The following HDAC9 variants were observed in gnomAD, a reference collection of about 807,000 sequenced individuals.
The protein encoded by HDAC9 is histone deacetylase 9.
In HDAC9, 41 loss-of-function variants were observed where a neutral mutation model predicts 139.4. The observed-to-expected ratio is 0.29, with a 90% confidence interval of 0.23 to 0.38. The LOEUF is 0.38. Among genes scored for constraint, HDAC9 ranks in the 10% least tolerant of loss-of-function variants. HDAC9 has a pLI of 1.00. For missense variants in HDAC9, 1,147 were observed against 1,297.0 expected (o/e 0.88, Z 1.78); for synonymous variants, 517 against 476.2 (o/e 1.09, Z -1.12).
At chr7:18,650,102 T>A (rs537931206) in intron 11 of HDAC9, among the ~76,000 whole-genome samples, 96 of 152,324 alleles carry the variant, frequency 6.3e-4, no homozygotes, top group African/African-American at 2.2e-3. Flanking sequence ...ACTCACTGAC[T>A]TGTATGTGAC....
intron 2 of HDAC9, among the ~76,000 whole-genome samples, chr7:18,250,685 G>A (rs896583160): frequency 1.3e-5 from 2 of 152,172 alleles, no homozygotes; most frequent in African/African-American, 4.8e-5. Context: ...AGTGGTCTTT[G>A]AGGAATCACC....
chr7:18,616,792 ACTGCTGACCCCTTGTCAGTGGTG>A (rs1309376037), intron 6 of HDAC9, among the ~76,000 whole-genome samples: 6 of 152,214 alleles, frequency 3.9e-5, no homozygotes, highest in Non-Finnish European at 8.8e-5. Context: ...GCCAGAAGTC[ACTGCTGACCCCTTGTCAGTGGTG>A]CTGCTGATCC....
chr7:18,584,306 T>C (rs952884684), intron 2 of HDAC9, among the ~76,000 whole-genome samples: 5 of 151,916 alleles, frequency 3.3e-5, no homozygotes, highest in Non-Finnish European at 7.4e-5. Context: ...TTTTTTGTAT[T>C]TTTAGTAGAG....
chr7:18,988,753 T>G (rs1785600204), intron 25 of HDAC9, among the ~76,000 whole-genome samples: 1 of 151,784 alleles, frequency 6.6e-6, no homozygotes, highest in South Asian at 2.1e-4. Context: ...GCCCCTGTAT[T>G]GGGTGCATAT....
In HDAC9 at chr7:18,344,162, G is replaced by A. The variant is rs372615895; in HGVS notation, c.-42+53647G>A. Among the ~76,000 whole-genome samples, 20 of 151,888 alleles carry A rather than the reference G, an allele frequency of 1.3e-4. No homozygotes were observed. In the South Asian group the frequency reaches 3.9e-3, roughly 30 times the overall value. ...AAAATTAGGGTATTTCAGATTATAA[G>A]TAAAAGCTGGAAATGTCTTTTCAAA... On this transcript the variant is annotated intron_variant, in intron 1 of 3. Transcript: ENST00000413509.
intron 1 of HDAC9, among the ~76,000 whole-genome samples, chr7:18,448,967 T>C (rs1792548403): frequency 6.6e-6 from 1 of 152,160 alleles, no homozygotes; most frequent in South Asian, 2.1e-4. Flanking sequence ...AGAAAAGCTC[T>C]TGGGCCAATT....
intron 1 of HDAC9, among the ~76,000 whole-genome samples, chr7:18,318,135 G>A (rs904232157): frequency 2.0e-5 from 3 of 152,290 alleles, no homozygotes; most frequent in East Asian, 1.9e-4. Context: ...GCCTCCTAGG[G>A]AGGTGTTAGA....
chr7:18,381,271 G>T lies in HDAC9; in HGVS notation c.-42+90756G>T, dbSNP rs200449477. Among the ~76,000 whole-genome samples the T allele has an allele frequency of 2.0e-5, 3 of 146,728 alleles. No homozygotes were observed. The East Asian group carries it at 6.3e-4, about 31-fold the overall frequency. ...ATAAAATAAAGATAAAAGATTAATTGTGTTAGAAACACAATTTTATTCTGG... is the reference window on the plus strand; with the variant it reads ...ATAAAATAAAGATAAAAGATTAATTTTGTTAGAAACACAATTTTATTCTGG... On this transcript the variant is annotated intron_variant, in intron 1 of 3. Transcript: ENST00000413509.
chr7:18,957,787 A>G (rs938166276), intron 24 of HDAC9, among the ~76,000 whole-genome samples: 2 of 152,126 alleles, frequency 1.3e-5, no homozygotes, highest in African/African-American at 4.8e-5. Flanking sequence ...GTGTCACACA[A>G]GTGCCTCCTT....
intron 12 of HDAC9, among the ~76,000 whole-genome samples, chr7:18,708,048 G>T (rs1467687398): frequency 6.6e-6 from 1 of 152,202 alleles, no homozygotes; most frequent in Non-Finnish European, 1.5e-5. Flanking sequence ...CAGATCACAG[G>T]TGGTGGGATT....
intron 1 of HDAC9, among the ~76,000 whole-genome samples, chr7:18,117,360 C>G (rs567682065): frequency 4.8e-4 from 73 of 152,146 alleles, no homozygotes; most frequent in Non-Finnish European, 5.7e-4. Context: ...GTGGTGGGCG[C>G]CTGTAGTCCC....
At chr7:18,702,642 G>C (rs1783581440) in intron 12 of HDAC9, among the ~76,000 whole-genome samples, 1 of 152,090 alleles carries the variant, frequency 6.6e-6, no homozygotes, top group South Asian at 2.1e-4. Flanking sequence ...GGTGTATCTG[G>C]GTAACTTCAT....
intron 22 of HDAC9, among the ~76,000 whole-genome samples, chr7:18,930,708 A>C (rs868850877): frequency 5.9e-5 from 9 of 152,234 alleles, no homozygotes; most frequent in African/African-American, 2.2e-4. Flanking sequence ...TGTTTTGTGC[A>C]TGCATAACTT....
chr7:18,230,272 A>G (rs934636333), intron 2 of HDAC9, among the ~76,000 whole-genome samples: 15 of 152,194 alleles, frequency 9.9e-5, no homozygotes, highest in Admixed American at 9.8e-4. Flanking sequence ...TGAAAAATGA[A>G]AATGTGGGAA....
At chr7:18,770,238 G>T (rs932236953) in intron 16 of HDAC9, among the ~76,000 whole-genome samples, 2 of 152,090 alleles carry the variant, frequency 1.3e-5, no homozygotes, top group Admixed American at 6.6e-5. Context: ...CTTTGTGTTT[G>T]CTTTTCTTTT....
chr7:18,252,261 T>G (rs753574143), intron 2 of HDAC9, among the ~76,000 whole-genome samples: 18 of 152,196 alleles, frequency 1.2e-4, no homozygotes, highest in Non-Finnish European at 2.1e-4. Flanking sequence ...GGAGTCAATG[T>G]GGCCACTGGT....
intron 1 of HDAC9, among the ~76,000 whole-genome samples, chr7:18,161,786 C>G (rs561628867): frequency 7.6e-4 from 116 of 152,120 alleles, no homozygotes; most frequent in African/African-American, 2.5e-3. Context: ...GTCCATTAAA[C>G]ATTTCTTTTT....
chr7:18,296,941 G>A (rs192915987), intron 1 of HDAC9, among the ~76,000 whole-genome samples: 3 of 152,140 alleles, frequency 2.0e-5, no homozygotes, highest in Non-Finnish European at 4.4e-5. Flanking sequence ...CTTTGTATGC[G>A]GTGCCTTCTT....
intron 24 of HDAC9, among the ~76,000 whole-genome samples, chr7:18,965,630 C>A (rs909201605): frequency 6.6e-6 from 1 of 152,180 alleles, no homozygotes; most frequent in Non-Finnish European, 1.5e-5. Flanking sequence ...GAGTTTAATT[C>A]CTCTGGGGAA....
Sources: allele counts gnomAD v4.1 joint callset (sites outside exome capture counted in the v4.1 genomes callset), GRCh38; gene constraint gnomAD v4.1.1; transcripts MANE v1.5; gene names NCBI Gene and HGNC (gene_info 2026-07-23, HGNC 2026-07-21).